The following TOP2B variants were observed in gnomAD, a reference collection of about 807,000 sequenced individuals.
The protein encoded by TOP2B is DNA topoisomerase II beta, also known as DNA topoisomerase 2-beta.
TOP2B carries 51 observed loss-of-function variants against 193.5 expected under a neutral mutation model. That is an observed-to-expected ratio of 0.26 (90% CI 0.21 to 0.33). TOP2B has a LOEUF of 0.33. TOP2B is among the 10% of genes least tolerant of loss of function. The pLI is 1.00. For missense variants in TOP2B, 1,378 were observed against 1,909.3 expected (o/e 0.72, Z 5.19); for synonymous variants, 634 against 635.7 (o/e 1.00, Z 0.04).
At position 25,616,616 on chromosome 3, in the gene TOP2B, A is replaced by G. The variant is rs1575567582; in HGVS notation, c.3352-1030T>C. Among the ~76,000 whole-genome samples the G allele has an allele frequency of 2.6e-5, 4 of 151,858 alleles. No individual in the cohort carries two copies. In the South Asian group the frequency reaches 8.3e-4, roughly 31 times the overall value. On this transcript the variant is annotated intron_variant, in intron 25 of 35. Coordinates refer to ENST00000264331, the MANE Select transcript of TOP2B (RefSeq NM_001330700.2). Reference sequence around the variant, plus strand: ...CTATTGTTGAGTTGATAGATGATTAATAAGTACCTAGATAACTTACAATAA... The same window carrying G: ...CTATTGTTGAGTTGATAGATGATTAGTAAGTACCTAGATAACTTACAATAA...
chr3:25,613,428 T>C (rs1306863716), intron 27 of TOP2B, among the ~76,000 whole-genome samples: 1 of 152,180 alleles, frequency 6.6e-6, no homozygotes, highest in Non-Finnish European at 1.5e-5. Context: ...TTACTAGTTA[T>C]GTATCCTCAG....
chr3:25,645,482 C>CA lies in TOP2B; in HGVS notation c.70-13dup, dbSNP rs1356239250. Reference sequence around the variant, plus strand: ...TGATCAAAAAGAGTCTAAAATTAACCAAAAAATCAAATTTAAATAACCTAC... The same window carrying CA: ...TGATCAAAAAGAGTCTAAAATTAACCAAAAAAATCAAATTTAAATAACCTAC... On this transcript the variant is annotated splice_polypyrimidine_tract_variant and intron_variant, in intron 1 of 35. Coordinates refer to ENST00000264331, the MANE Select transcript of TOP2B (RefSeq NM_001330700.2). 3 of 1,579,432 alleles carry CA rather than the reference C, an allele frequency of 1.9e-6. No homozygotes were observed. The highest frequency in any genetic ancestry group is 1.8e-5 in the Admixed American group (1 of 55,842).
At chr3:25,615,036 A>G (rs1236225046) in intron 27 of TOP2B, among the ~76,000 whole-genome samples, 169 bp downstream of exon 27, 1 of 152,068 alleles carries the variant, frequency 6.6e-6, no homozygotes, top group Non-Finnish European at 1.5e-5. Flanking sequence ...ATTCCTCCAT[A>G]CAAGAAGTTC....
intron 1 of TOP2B, among the ~76,000 whole-genome samples, chr3:25,649,683 T>A (rs968523695): frequency 6.7e-6 from 1 of 149,914 alleles, no homozygotes; most frequent in Non-Finnish European, 1.5e-5. Context: ...AAGTAGAAAT[T>A]AATACTTTCT....
intron 7 of TOP2B, among the ~76,000 whole-genome samples, chr3:25,634,795 A>AC (rs1559502602): frequency 6.8e-6 from 1 of 146,652 alleles, no homozygotes; most frequent in African/African-American, 2.6e-5. Flanking sequence ...AAAAAAAAAA[A>AC]AACCAAAAAA....
At position 25,634,031 on chromosome 3, in the gene TOP2B, C is replaced by G; in HGVS notation, c.853-17G>C. 6.3e-7 allele frequency: 1 copy of G among 1,583,486 alleles called. No homozygotes were observed. The highest frequency in any genetic ancestry group is 8.6e-7 in the Non-Finnish European group (1 of 1,165,232). On this transcript the variant is annotated splice_polypyrimidine_tract_variant and intron_variant, in intron 7 of 35. Transcript: ENST00000264331. Reference sequence around the variant, plus strand: ...TCCATTTACCTATTAATTTAAAAAACAAAAACAATTAAAAATCTTACACTG... The same window carrying G: ...TCCATTTACCTATTAATTTAAAAAAGAAAAACAATTAAAAATCTTACACTG...
intron 1 of TOP2B, among the ~76,000 whole-genome samples, chr3:25,652,999 G>C (rs74642299): frequency 0.01 from 1,539 of 152,146 alleles, 31 homozygotes; most frequent in African/African-American, 0.036. Context: ...GATTATAAAA[G>C]ACTTACATGA....
At chr3:25,612,448 A>T in intron 28 of TOP2B, 67 bp downstream of exon 28, 1 of 1,255,612 alleles carries the variant, frequency 8.0e-7, no homozygotes, top group Non-Finnish European at 1.1e-6. Context: ...ACGCATTAAA[A>T]TTTTTTAAAT....
At chr3:25,627,107 T>C (rs528592113) in intron 16 of TOP2B, 80 bp downstream of exon 16, 30 of 1,007,192 alleles carry the variant, frequency 3.0e-5, no homozygotes, top group Non-Finnish European at 3.8e-5. Context: ...AGACTTATCA[T>C]AGGGAACCAG....
chr3:25,618,558 G>C, intron 24 of TOP2B, 49 bp from the exon 25 acceptor site: 1 of 1,552,728 alleles, frequency 6.4e-7, no homozygotes, highest in Non-Finnish European at 8.8e-7. Flanking sequence ...GATTCAATTT[G>C]TATTTGCTTA....
intron 3 of TOP2B, 28 bp from the exon 4 acceptor site, chr3:25,642,413 A>C (rs1703289897): frequency 7.1e-7 from 1 of 1,416,364 alleles, no homozygotes; most frequent in African/African-American, 1.4e-5. Context: ...TCAATGAGTA[A>C]TATACAAAAT....
At chr3:25,623,198 C>T (rs1182387857) in intron 21 of TOP2B, among the ~76,000 whole-genome samples, 1 of 152,156 alleles carries the variant, frequency 6.6e-6, no homozygotes, top group Non-Finnish European at 1.5e-5. Flanking sequence ...AGTTTGAGAA[C>T]AGAAACAAGG....
Position 25,627,195 on chromosome 3 carries a change from T to A in TOP2B, c.2008A>T (p.Ile670Phe). ...AAAATTAACTTAATTACCAAGGTAA[T>A]GGCAGCATCATCTTCAGGACCAGCA... ...RYAGPEDDAA[I>F]TLAFSKKKID... Residue 670 changes from isoleucine (I) to phenylalanine (F), a missense_variant, in exon 16 of 36, where the codon ATT (isoleucine) becomes TTT (phenylalanine). Ile to Phe is a conservative substitution (Grantham distance 21, BLOSUM62 0). Coordinates refer to ENST00000264331, the MANE Select transcript of TOP2B (RefSeq NM_001330700.2). 6.3e-7 allele frequency: 1 copy of A among 1,598,654 alleles called. No individual in the cohort carries two copies. The highest frequency in any genetic ancestry group is 1.1e-5 in the South Asian group (1 of 88,310).
At position 25,626,790 on chromosome 3, in the gene TOP2B, C is replaced by T. The variant is rs551303864; in HGVS notation, c.2091G>A (p.Arg697=). The part of the protein sequence containing the change: ...TNFMEDRRQR[R]LHGLPEQFLY... Reference sequence around the variant, plus strand: ...GACTAACCTCTGGTAAGCCATGTAGCCTACGCTGTCTCCGGTCTTCCATAA... The same window carrying T: ...GACTAACCTCTGGTAAGCCATGTAGTCTACGCTGTCTCCGGTCTTCCATAA... The change falls in exon 17 of 36, where the codon AGG becomes AGA. Residue 697 remains arginine (R), a synonymous_variant. Coordinates refer to ENST00000264331, the MANE Select transcript of TOP2B (RefSeq NM_001330700.2). 4.4e-6 allele frequency: 7 copies of T among 1,608,942 alleles called. No homozygotes were observed. The African/African-American group carries it at 8.0e-5, about 18-fold the overall frequency.
chr3:25,624,162 T>A (rs990651257), intron 20 of TOP2B, 135 bp downstream of exon 20: 1 of 1,083,134 alleles, frequency 9.2e-7, no homozygotes, highest in Admixed American at 2.6e-5. Flanking sequence ...TGTGGTCAAA[T>A]AATTTGGAAC....
chr3:25,631,743 T>G (rs1215033271), intron 10 of TOP2B, among the ~76,000 whole-genome samples: 3 of 152,088 alleles, frequency 2.0e-5, no homozygotes, highest in African/African-American at 7.2e-5. Context: ...GGGAAAGCAT[T>G]AATATAGCAT....
chr3:25,645,578 C>T, intron 1 of TOP2B, 108 bp from the exon 2 acceptor site: 1 of 810,934 alleles, frequency 1.2e-6, no homozygotes, highest in African/African-American at 1.7e-5. Flanking sequence ...ATCTTTCAGA[C>T]TGATTTTTTA....
chr3:25,651,796 CAGAGGTTGCAGTGAGCCA>C (rs1268776049), intron 1 of TOP2B, among the ~76,000 whole-genome samples: 31 of 150,540 alleles, frequency 2.1e-4, no homozygotes, highest in Admixed American at 1.3e-4. Context: ...GAACCTGAGG[CAGAGGTTGCAGTGAGCCA>C]AGATTGTGCC....
At chr3:25,634,501 C>T (rs2125383280) in intron 7 of TOP2B, among the ~76,000 whole-genome samples, 1 of 152,068 alleles carries the variant, frequency 6.6e-6, no homozygotes, top group African/African-American at 2.4e-5. Context: ...TTACCTGGGG[C>T]AGATATTTAA....
Sources: gnomAD v4.1 joint callset for allele counts (sites outside exome capture counted in the v4.1 genomes callset) on GRCh38, gnomAD v4.1.1 for gene constraint, MANE v1.5 for transcripts, NCBI Gene and HGNC (gene_info 2026-07-23, HGNC 2026-07-21) for gene names.